The following LCP1 variants were observed in gnomAD, a reference collection of about 807,000 sequenced individuals.
The protein encoded by LCP1 is plastin-2.
In LCP1, 23 loss-of-function variants were observed where a neutral mutation model predicts 72.0. That is an observed-to-expected ratio of 0.32 (90% CI 0.23 to 0.45). The LOEUF is 0.45. Ranked by LOEUF, LCP1 falls within the 20% of genes least tolerant of loss-of-function variation. The pLI is 1.00. For missense variants in LCP1, 571 were observed against 748.3 expected (o/e 0.76, Z 2.76); for synonymous variants, 245 against 275.4 (o/e 0.89, Z 1.09).
chr13:46,178,863 A>G (rs1283969731), intron 1 of LCP1, among the ~76,000 whole-genome samples: 2 of 152,350 alleles, frequency 1.3e-5, no homozygotes, highest in African/African-American at 4.8e-5. Context: ...TCATAAGTAT[A>G]ACCTTATAAG....
intron 15 of LCP1, 121 bp downstream of exon 15, chr13:46,130,693 G>C: frequency 8.1e-7 from 1 of 1,241,022 alleles, no homozygotes. Context: ...TCATGAGAAG[G>C]AAAAGCACGG....
At chr13:46,153,250 T>A in intron 6 of LCP1, 1 of 200,178 alleles carries the variant, frequency 5.0e-6, no homozygotes, top group Non-Finnish European at 1.0e-5. Flanking sequence ...GTGATGAAGC[T>A]GACACACAAA....
At chr13:46,146,292 G>A (rs9590948) in intron 10 of LCP1, among the ~76,000 whole-genome samples, 13,979 of 152,138 alleles carry the variant, frequency 0.092, 1,335 homozygotes, top group African/African-American at 0.24. Context: ...TTTAATATTA[G>A]TTGACCTTTG....
chr13:46,177,131 C>T (rs2045935208), intron 1 of LCP1, among the ~76,000 whole-genome samples: 1 of 152,212 alleles, frequency 6.6e-6, no homozygotes, highest in African/African-American at 2.4e-5. Context: ...GCAAAACTTA[C>T]TTAAACCCAG....
intron 10 of LCP1, among the ~76,000 whole-genome samples, chr13:46,146,061 A>C (rs1489346193): frequency 6.6e-6 from 1 of 152,126 alleles, no homozygotes; most frequent in African/African-American, 2.4e-5. Flanking sequence ...GGATCCAAAC[A>C]GGAATATTCT....
intron 1 of LCP1, among the ~76,000 whole-genome samples, chr13:46,176,386 T>C (rs2045930567): frequency 6.6e-6 from 1 of 152,184 alleles, no homozygotes. Context: ...GAAGCTATAT[T>C]GAATGCACAC....
intron 1 of LCP1, among the ~76,000 whole-genome samples, chr13:46,179,800 A>T (rs1408900154): frequency 6.6e-6 from 1 of 152,106 alleles, no homozygotes. Flanking sequence ...AGTGACAAGA[A>T]ATAAGATTGG....
rs767841661 is a variant in LCP1, at chr13:46,158,986, G to C, written c.68C>G (p.Thr23Ser). The C allele has an allele frequency of 1.4e-5, 22 of 1,613,956 alleles. No individual in the cohort carries two copies. Among genetic ancestry groups the C allele is most frequent in the Non-Finnish European group, 1.9e-5 (22 of 1,179,972 alleles). The change falls in exon 3 of 16, where the codon ACT becomes AGT. Residue 23 changes from threonine to serine, a missense_variant. Transcript: ENST00000323076. ...ELREAFAKVD[T>S]DGNGYISFNE... ...GAAGCTGATGTATCCATTGCCATCA[G>C]TATCTGTAATGTACACAATATACTG...
intron 14 of LCP1, 85 bp downstream of exon 14, chr13:46,134,042 C>G: frequency 7.0e-7 from 1 of 1,423,010 alleles, no homozygotes; most frequent in Non-Finnish European, 9.7e-7. Context: ...ATACCTACCA[C>G]TGAAGGTCAC....
chr13:46,150,157 G>A (rs2045755413), intron 8 of LCP1, among the ~76,000 whole-genome samples: 1 of 152,168 alleles, frequency 6.6e-6, no homozygotes, highest in African/African-American at 2.4e-5. Flanking sequence ...TCTCTTTGGG[G>A]AAAAGTTATT....
rs2045605942 is a variant in LCP1, at chr13:46,127,486, G to C, written c.*105C>G. 7.8e-6 allele frequency: 11 copies of C among 1,413,750 alleles called. No homozygotes were observed. Among genetic ancestry groups the C allele is most frequent in the Non-Finnish European group, 9.7e-6 (10 of 1,027,354 alleles). The allele number at this position is 1,413,750 out of a possible 1,614,324, so 87.6% of individuals were successfully genotyped here. On this transcript the variant is annotated 3_prime_UTR_variant, in exon 16 of 16. Coordinates refer to ENST00000323076, the MANE Select transcript of LCP1 (RefSeq NM_002298.5). ...AATATGTGCTTTTTGGAATCTTATA[G>C]AGTGTCACCAAGTTGAACTTTGGAA...
Position 46,129,678 on chromosome 13 carries a change from G to A in LCP1, c.1751+1136C>T, listed in dbSNP as rs117220053. Among the ~76,000 whole-genome samples the A allele has an allele frequency of 3.7e-3, 566 of 152,208 alleles. 3 individuals carry two copies. The highest frequency in any genetic ancestry group is 0.012 in the Admixed American group (190 of 15,302). ...TCCCAAACTGGGAACAGAGAGAAGG[G>A]CTCTGTTGGGATTATAAAGCAGGGA... On this transcript the variant is annotated intron_variant, in intron 15 of 15. Transcript: ENST00000323076.
At chr13:46,160,957 T>C (rs1461100125) in intron 1 of LCP1, among the ~76,000 whole-genome samples, 1 of 152,196 alleles carries the variant, frequency 6.6e-6, no homozygotes, top group African/African-American at 2.4e-5. Context: ...CTGTATTTGT[T>C]CTTGATGGCC....
At chr13:46,169,081 A>G (rs2045892163) in intron 1 of LCP1, among the ~76,000 whole-genome samples, 1 of 152,198 alleles carries the variant, frequency 6.6e-6, no homozygotes, top group Non-Finnish European at 1.5e-5. Flanking sequence ...ACCCAAGTTA[A>G]AGGACATGCC....
Position 46,147,107 on chromosome 13 carries a change from C to A in LCP1, c.979-4G>T. On this transcript the variant is annotated splice_region_variant and splice_polypyrimidine_tract_variant and intron_variant, in intron 9 of 15. Transcript: ENST00000323076. ...CCCTCTGGATGTCATCCTTCTCCTG[C>A]AATGCAAAAGGATGTCTCAGGGCTG... The A allele has an allele frequency of 3.2e-6, 5 of 1,573,618 alleles. No individual in the cohort carries two copies. The highest frequency in any genetic ancestry group is 3.4e-6 in the Non-Finnish European group (4 of 1,162,538).
At chr13:46,132,993 C>T (rs1250420768) in intron 14 of LCP1, among the ~76,000 whole-genome samples, 2 of 152,130 alleles carry the variant, frequency 1.3e-5, no homozygotes, top group Non-Finnish European at 1.5e-5. Context: ...TAAGATGGCA[C>T]AGGCATTATG....
At chr13:46,130,731 G>T in intron 15 of LCP1, 83 bp downstream of exon 15, 1 of 1,482,248 alleles carries the variant, frequency 6.7e-7, no homozygotes, top group Non-Finnish European at 9.3e-7. Context: ...TTTGTATAAA[G>T]GCATGAGCAT....
chr13:46,146,840 G>C, intron 10 of LCP1, 68 bp downstream of exon 10: 1 of 1,485,724 alleles, frequency 6.7e-7, no homozygotes, highest in South Asian at 1.1e-5. Context: ...TAGGAAGTGA[G>C]TTTGAATTGC....
rs1480673833 is a variant in LCP1, at chr13:46,154,793, G to A, written c.573+12C>T. The A allele has an allele frequency of 1.2e-6, 2 of 1,605,906 alleles. No individual in the cohort carries two copies. Among genetic ancestry groups the A allele is most frequent in the Non-Finnish European group, 1.7e-6 (2 of 1,172,650 alleles). On this transcript the variant is annotated intron_variant, in intron 6 of 15. Coordinates refer to ENST00000323076, the MANE Select transcript of LCP1 (RefSeq NM_002298.5). ...ACAAATCCTGTATTATGGTAACGGTGGGAAGACATACCTGAATGGTGAAAG... is the reference window on the plus strand; with the variant it reads ...ACAAATCCTGTATTATGGTAACGGTAGGAAGACATACCTGAATGGTGAAAG...
Sources: allele counts gnomAD v4.1 joint callset (sites outside exome capture counted in the v4.1 genomes callset), GRCh38; gene constraint gnomAD v4.1.1; transcripts MANE v1.5; gene names NCBI Gene and HGNC (gene_info 2026-07-23, HGNC 2026-07-21).